Variants in VWC2L observed in about 807,000 individuals in gnomAD.
VWC2L encodes von Willebrand factor C domain-containing protein 2-like.
In VWC2L, 10 loss-of-function variants were observed where a neutral mutation model predicts 21.6. The ratio of observed to expected loss-of-function variants is 0.46; its 90% CI spans 0.29 to 0.78. The LOEUF (loss-of-function observed/expected upper bound fraction) is 0.78. VWC2L is among the 30% of genes least tolerant of loss of function. The pLI, the probability that VWC2L is intolerant of heterozygous loss-of-function variation, is 0.10. For missense variants in VWC2L, 209 were observed against 277.1 expected (o/e 0.75, Z 1.74); for synonymous variants, 96 against 94.3 (o/e 1.02, Z -0.10).
intron 3 of VWC2L, among the ~76,000 whole-genome samples, chr2:214,538,705 G>C (rs551776588): frequency 6.6e-6 from 1 of 151,618 alleles, no homozygotes; most frequent in African/African-American, 2.4e-5. Context: ...TAAAGGAGAA[G>C]ATGTTCTAAT....
intron 2 of VWC2L, among the ~76,000 whole-genome samples, chr2:214,427,807 A>G (rs1374725327): frequency 6.6e-6 from 1 of 152,218 alleles, no homozygotes; most frequent in African/African-American, 2.4e-5. Context: ...ATAATTTCAA[A>G]TACAATGTAA....
Position 214,438,381 on chromosome 2 carries a change from A to C in VWC2L, c.520+1623A>C, listed in dbSNP as rs931617396. Among the ~76,000 whole-genome samples, 6 of 152,034 alleles carry C rather than the reference A, an allele frequency of 3.9e-5. No individual in the cohort carries two copies. In the East Asian group the frequency reaches 1.2e-3, roughly 29 times the overall value. ...AACTGGATTGACAGGTCTTGGACTG[A>C]AGACTGCACTTTTTTTTTTCTTTTT... On this transcript the variant is annotated intron_variant, in intron 3 of 3. Coordinates refer to ENST00000312504, the MANE Select transcript of VWC2L (RefSeq NM_001080500.4).
chr2:214,526,980 G>A (rs1175457642), intron 3 of VWC2L, among the ~76,000 whole-genome samples: 1 of 152,134 alleles, frequency 6.6e-6, no homozygotes, highest in East Asian at 1.9e-4. Context: ...CAGTGGATTG[G>A]ATAAAGAAAA....
intron 2 of VWC2L, among the ~76,000 whole-genome samples, chr2:214,430,391 T>C (rs1047540413): frequency 6.6e-6 from 1 of 152,202 alleles, no homozygotes; most frequent in Non-Finnish European, 1.5e-5. Flanking sequence ...GTATTTGTTT[T>C]TTAAAAACAT....
chr2:214,519,476 C>T lies in VWC2L; in HGVS notation c.521-56196C>T, dbSNP rs537804002. 1.6e-4 allele frequency among the ~76,000 whole-genome samples: 24 copies of T among 152,298 alleles called. 1 individual carries two copies. In the South Asian group the frequency reaches 3.5e-3, roughly 22 times the overall value. ...GGTACACAGTGCTCTGACAGCTGTTCTTTGCCCACATTGGAAACCATGATA... is the reference window on the plus strand; with the variant it reads ...GGTACACAGTGCTCTGACAGCTGTTTTTTGCCCACATTGGAAACCATGATA... On this transcript the variant is annotated intron_variant, in intron 3 of 3. Coordinates refer to ENST00000312504, the MANE Select transcript of VWC2L (RefSeq NM_001080500.4).
chr2:214,445,756 T>C (rs1419028487), intron 3 of VWC2L, among the ~76,000 whole-genome samples: 1 of 151,998 alleles, frequency 6.6e-6, no homozygotes, highest in Admixed American at 6.6e-5. Context: ...GATTTAAAAT[T>C]ACTATTAAAA....
chr2:214,463,868 A>G (rs1045678579), intron 3 of VWC2L, among the ~76,000 whole-genome samples: 2 of 151,840 alleles, frequency 1.3e-5, no homozygotes, highest in Non-Finnish European at 2.9e-5. Flanking sequence ...TGTCTCCTGT[A>G]TGTATTTTCA....
chr2:214,496,956 G>A (rs6435829), intron 3 of VWC2L, among the ~76,000 whole-genome samples: 60,858 of 151,930 alleles, frequency 0.4, 12,416 homozygotes, highest in East Asian at 0.48. Context: ...ACTCTTTGCT[G>A]CAATCTTGTT....
At chr2:214,492,758 G>A (rs192693157) in intron 3 of VWC2L, among the ~76,000 whole-genome samples, 1 of 152,206 alleles carries the variant, frequency 6.6e-6, no homozygotes, top group Non-Finnish European at 1.5e-5. Context: ...TATGTCTGAT[G>A]TATCAGTCAG....
chr2:214,451,043 C>T (rs539920894), intron 3 of VWC2L, among the ~76,000 whole-genome samples: 5 of 152,160 alleles, frequency 3.3e-5, no homozygotes, highest in South Asian at 2.1e-4. Flanking sequence ...TCAAAGCCTG[C>T]GTTCTTAATC....
rs1335313027 is a variant in VWC2L at position 214,411,079 on chromosome 2, T to C, written c.-788T>C. 6.6e-6 allele frequency: 1 copy of C among 152,210 alleles called. No homozygotes were observed. The allele number at this position is 152,210 out of a possible 1,614,324, so 9.4% of individuals were successfully genotyped here. A position where few individuals can be genotyped will look rare whatever the true frequency, so the allele number is the denominator to read the frequency against. ...AGCCTCGTCTAAAGCAGCTCTGGGA[T>C]TTCGACAGAGCTGGGCTCAGAAGCC... On this transcript the variant is annotated 5_prime_UTR_variant, in exon 1 of 4. Coordinates refer to ENST00000312504, the MANE Select transcript of VWC2L (RefSeq NM_001080500.4).
chr2:214,472,970 T>C (rs1389310779), intron 3 of VWC2L, among the ~76,000 whole-genome samples: 2 of 152,204 alleles, frequency 1.3e-5, no homozygotes, highest in Non-Finnish European at 2.9e-5. Context: ...GATAAAGCCA[T>C]TTCTTTTCCT....
chr2:214,480,657 T>G (rs1688589096), intron 3 of VWC2L, among the ~76,000 whole-genome samples: 1 of 152,024 alleles, frequency 6.6e-6, no homozygotes, highest in African/African-American at 2.4e-5. Context: ...TGGGGATAAC[T>G]TCATGATCCA....
At chr2:214,436,571 T>C in intron 2 of VWC2L, 58 bp from the exon 3 acceptor site, 1 of 1,595,354 alleles carries the variant, frequency 6.3e-7, no homozygotes, top group Non-Finnish European at 8.6e-7. Context: ...TGACAGCATA[T>C]GAATGTGCAA....
At chr2:214,430,529 ATGC>A (rs1166496284) in intron 2 of VWC2L, among the ~76,000 whole-genome samples, 1 of 152,178 alleles carries the variant, frequency 6.6e-6, no homozygotes, top group African/African-American at 2.4e-5. Flanking sequence ...TTTAATGAAT[ATGC>A]TGAATTTTTT....
chr2:214,434,797 T>C (rs1031195895), intron 2 of VWC2L, among the ~76,000 whole-genome samples: 3 of 152,212 alleles, frequency 2.0e-5, no homozygotes, highest in Admixed American at 2.0e-4. Flanking sequence ...TATAGTTATT[T>C]TGAAGTAAAC....
chr2:214,514,846 A>G (rs1235894012), intron 3 of VWC2L, among the ~76,000 whole-genome samples: 2 of 152,242 alleles, frequency 1.3e-5, no homozygotes, highest in Non-Finnish European at 1.5e-5. Flanking sequence ...AAAAAATTGC[A>G]TAAAATATCA....
chr2:214,516,595 C>T (rs949744299), intron 3 of VWC2L, among the ~76,000 whole-genome samples: 4 of 150,596 alleles, frequency 2.7e-5, no homozygotes, highest in African/African-American at 4.9e-5. Flanking sequence ...TAGTTTATGT[C>T]GATTATGCAT....
At chr2:214,428,940 T>A (rs1205615598) in intron 2 of VWC2L, among the ~76,000 whole-genome samples, 1 of 152,098 alleles carries the variant, frequency 6.6e-6, no homozygotes, top group East Asian at 1.9e-4. Context: ...TTAAATTCAG[T>A]GTCATCCACA....
Sources: allele counts gnomAD v4.1 joint callset (sites outside exome capture counted in the v4.1 genomes callset), GRCh38; gene constraint gnomAD v4.1.1; transcripts MANE v1.5; gene names NCBI Gene and HGNC (gene_info 2026-07-23, HGNC 2026-07-21).